The following DHX35 variants were observed in gnomAD, a reference collection of about 807,000 sequenced individuals.
DHX35 encodes probable ATP-dependent RNA helicase DHX35.
Under a neutral mutation model 99.6 loss-of-function variants are expected in DHX35, and 84 were observed. That is an observed-to-expected ratio of 0.84 (90% confidence interval 0.71 to 1.01). The LOEUF (loss-of-function observed/expected upper bound fraction) is 1.01, where lower values mean the gene tolerates loss of function less well. DHX35 is among the 50% of genes least tolerant of loss of function. The pLI is 0.00. For synonymous variants in DHX35, 331 were observed against 316.2 expected (o/e 1.05, Z -0.50); for missense variants, 852 against 888.5 (o/e 0.96, Z 0.52).
chr20:39,001,615 A>G (rs549630204), intron 8 of DHX35, 115 bp from the exon 9 acceptor site: 2 of 710,674 alleles, frequency 2.8e-6, no homozygotes, highest in Non-Finnish European at 4.7e-6. Flanking sequence ...TATTGCACAT[A>G]TATAATCTTG....
intron 9 of DHX35, among the ~76,000 whole-genome samples, 182 bp from the exon 10 acceptor site, chr20:39,002,590 T>A (rs2086538993): frequency 6.6e-6 from 1 of 152,254 alleles, no homozygotes; most frequent in East Asian, 1.9e-4. Context: ...CATATAATTA[T>A]GGATTATTCT....
At chr20:38,992,615 TGTGTGTGTGTGAGTGA>T (rs1192512834) in intron 7 of DHX35, among the ~76,000 whole-genome samples, 190 bp downstream of exon 7, 6 of 152,084 alleles carry the variant, frequency 3.9e-5, no homozygotes, top group Non-Finnish European at 8.8e-5. Flanking sequence ...TGTGTGTGTG[TGTGTGTGTGTGAGTGA>T]GTGTGTGTGT....
intron 2 of DHX35, among the ~76,000 whole-genome samples, chr20:38,970,922 A>T (rs964952157): frequency 6.6e-6 from 1 of 152,208 alleles, no homozygotes; most frequent in African/African-American, 2.4e-5. Flanking sequence ...TAAGTTACTG[A>T]TATAAAGCAA....
chr20:39,024,392 C>G (rs2086919150), intron 17 of DHX35, among the ~76,000 whole-genome samples: 1 of 152,194 alleles, frequency 6.6e-6, no homozygotes, highest in East Asian at 1.9e-4. Context: ...ATTTTTAATA[C>G]TCATTTCTTA....
intron 21 of DHX35, among the ~76,000 whole-genome samples, chr20:39,038,176 G>A (rs780359502): frequency 7.2e-5 from 11 of 152,304 alleles, no homozygotes; most frequent in East Asian, 1.9e-4. Context: ...GTCTGGCTGC[G>A]GTGCTGTCCT....
chr20:38,997,216 A>G (rs1017136618), intron 8 of DHX35, among the ~76,000 whole-genome samples: 9 of 152,042 alleles, frequency 5.9e-5, no homozygotes, highest in African/African-American at 2.4e-5. Context: ...GACTGCAGGC[A>G]TGAGCCACCA....
At position 39,002,811 on chromosome 20, in the gene DHX35, G is replaced by A. The variant is rs746872142; in HGVS notation, c.795G>A (p.Val265=). The change falls in exon 10 of 22, where the codon GTG becomes GTA. Residue 265 remains valine, a synonymous_variant. Transcript: ENST00000252011. The part of the protein sequence containing the change: ...PDYIKSTVET[V]VKIHQTEGDG... ...ATATCAAATCAACTGTCGAAACTGT[G>A]GTGAAAATTCACCAGACAGAGGGAG... 1 of 1,614,094 alleles carries A rather than the reference G, an allele frequency of 6.2e-7. No homozygotes were observed. The highest frequency in any genetic ancestry group is 1.7e-5 in the Admixed American group (1 of 60,012).
At chr20:38,980,056 T>C (rs2086148248) in intron 3 of DHX35, among the ~76,000 whole-genome samples, 1 of 152,186 alleles carries the variant, frequency 6.6e-6, no homozygotes, top group Non-Finnish European at 1.5e-5. Flanking sequence ...CCACTGCCTC[T>C]TGACGTTAGC....
At chr20:38,993,630 G>T (rs2086375725) in intron 7 of DHX35, among the ~76,000 whole-genome samples, 1 of 150,864 alleles carries the variant, frequency 6.6e-6, no homozygotes, top group African/African-American at 2.4e-5. Flanking sequence ...CTCCCAAAGT[G>T]TTGGGATTAC....
chr20:39,034,333 G>A lies in DHX35; in HGVS notation c.2067+16G>A. 1 of 1,599,980 alleles carries A rather than the reference G, an allele frequency of 6.3e-7. No individual in the cohort carries two copies. Among genetic ancestry groups the A allele is most frequent in the Non-Finnish European group, 8.6e-7 (1 of 1,167,134 alleles). On this transcript the variant is annotated intron_variant, in intron 21 of 21. Transcript: ENST00000252011. ...ACAAGGAACGGTAGGAATGAACTGA[G>A]TCTGTGCCCCAGCCACCTGTTCACA...
chr20:38,967,276 C>T (rs2085924996), intron 1 of DHX35, among the ~76,000 whole-genome samples: 1 of 152,148 alleles, frequency 6.6e-6, no homozygotes, highest in Non-Finnish European at 1.5e-5. Flanking sequence ...ATTCTTGTTA[C>T]AAAGCTCCTG....
chr20:38,966,127 A>T, intron 1 of DHX35, among the ~76,000 whole-genome samples: 1 of 152,372 alleles, frequency 6.6e-6, no homozygotes, highest in Admixed American at 6.5e-5. Context: ...TTAAAAACCA[A>T]GTTAAAGGGA....
Position 39,018,961 on chromosome 20 carries a change from G to A in DHX35, c.1498+62G>A. 3 of 1,503,894 alleles carry A rather than the reference G, an allele frequency of 2.0e-6. No homozygotes were observed. In the East Asian group the frequency reaches 6.8e-5, roughly 34 times the overall value. The allele number at this position is 1,503,894 out of a possible 1,614,324, so 93.2% of individuals were successfully genotyped here. On this transcript the variant is annotated intron_variant, in intron 15 of 21. Transcript: ENST00000252011. ...TGACTGTCAGAGGTGTTGTTTGCCT[G>A]AATTCTGAGCACCCTGGGGAAGAGG...
intron 19 of DHX35, chr20:39,030,463 T>C (rs1485329286): frequency 1.8e-5 from 9 of 510,564 alleles, no homozygotes; most frequent in Non-Finnish European, 2.8e-5. Context: ...CTAAATGTTT[T>C]TTCTAAGTGT....
chr20:38,991,839 C>T (rs900498977), intron 6 of DHX35, among the ~76,000 whole-genome samples: 1 of 152,126 alleles, frequency 6.6e-6, no homozygotes, highest in African/African-American at 2.4e-5. Context: ...TATACAGAGT[C>T]CAAATAATTT....
At chr20:38,983,659 G>T (rs766550037) in intron 3 of DHX35, 40 bp from the exon 4 acceptor site, 9 of 1,565,728 alleles carry the variant, frequency 5.7e-6, no homozygotes, top group Admixed American at 5.0e-5. Flanking sequence ...CTCTGCAAAA[G>T]TGGTATCATA....
chr20:39,028,136 G>T (rs1032412011), intron 18 of DHX35, among the ~76,000 whole-genome samples: 1 of 152,206 alleles, frequency 6.6e-6, no homozygotes, highest in Non-Finnish European at 1.5e-5. Context: ...CCCAGCCATG[G>T]TCCAGTCATC....
chr20:38,994,951 C>CTAGCAAG, intron 8 of DHX35, 71 bp downstream of exon 8: 1 of 1,358,482 alleles, frequency 7.4e-7, no homozygotes, highest in Admixed American at 1.8e-5. Context: ...TGGGAAGTTA[C>CTAGCAAG]CTCTAGCAAG....
At chr20:39,024,413 T>C (rs2086919786) in intron 17 of DHX35, among the ~76,000 whole-genome samples, 1 of 152,254 alleles carries the variant, frequency 6.6e-6, no homozygotes, top group African/African-American at 2.4e-5. Flanking sequence ...AATACTCTTT[T>C]AGAAGTGAAG....
Sources: allele counts gnomAD v4.1 joint callset (sites outside exome capture counted in the v4.1 genomes callset), GRCh38; gene constraint gnomAD v4.1.1; transcripts MANE v1.5; gene names NCBI Gene and HGNC (gene_info 2026-07-23, HGNC 2026-07-21).